Variants in GYS2 observed in about 807,000 individuals in gnomAD.
GYS2 encodes glycogen [starch] synthase, liver.
GYS2 carries 80 observed loss-of-function variants against 85.6 expected under a neutral mutation model. The ratio of observed to expected loss-of-function variants is 0.93; its 90% CI spans 0.78 to 1.13. The LOEUF is 1.13. GYS2 is among the 50% of genes most tolerant of loss of function. GYS2 has a pLI of 0.00. For synonymous variants in GYS2, 328 were observed against 300.7 expected (o/e 1.09, Z -0.94); for missense variants, 881 against 854.9 (o/e 1.03, Z -0.38).
chr12:21,566,679 C>T (rs575921676), intron 5 of GYS2, among the ~76,000 whole-genome samples: 10 of 152,166 alleles, frequency 6.6e-5, no homozygotes, highest in South Asian at 6.2e-4. Flanking sequence ...CATATGTTAA[C>T]GTTTGAATCA....
intron 7 of GYS2, among the ~76,000 whole-genome samples, chr12:21,562,353 T>C (rs914897868): frequency 1.3e-5 from 2 of 152,080 alleles, no homozygotes; most frequent in Non-Finnish European, 2.9e-5. Context: ...CTGTCGGGTT[T>C]GGCTGCCAGC....
intron 11 of GYS2, 39 bp from the exon 12 acceptor site, chr12:21,546,509 G>T (rs755010971): frequency 2.7e-6 from 4 of 1,454,882 alleles, no homozygotes; most frequent in Non-Finnish European, 3.8e-6. Flanking sequence ...AAAAGAAAAA[G>T]GAGCAAGTAA....
In GYS2 at chr12:21,568,699, C is replaced by T. The variant is rs2306179; in HGVS notation, c.823+166G>A. On this transcript the variant is annotated intron_variant, in intron 5 of 15. Coordinates refer to ENST00000261195, the MANE Select transcript of GYS2 (RefSeq NM_021957.4). Reference sequence around the variant, plus strand: ...TGTTCCAGATATAGCTTTGAGTTGGCTTCCCTGCAAACCTACTGAAATTGA... The same window carrying T: ...TGTTCCAGATATAGCTTTGAGTTGGTTTCCCTGCAAACCTACTGAAATTGA... 0.7 allele frequency among the ~76,000 whole-genome samples: 107,053 copies of T among 152,064 alleles called. 38,320 individuals carry two copies. The highest frequency in any genetic ancestry group is 0.79 in the South Asian group (3,805 of 4,810).
chr12:21,561,741 G>A (rs1304878041), intron 7 of GYS2, among the ~76,000 whole-genome samples: 1 of 152,170 alleles, frequency 6.6e-6, no homozygotes, highest in Non-Finnish European at 1.5e-5. Flanking sequence ...GAAATATTAA[G>A]TAAGGTTATT....
At chr12:21,541,460 A>G (rs1943975672) in intron 13 of GYS2, among the ~76,000 whole-genome samples, 1 of 151,954 alleles carries the variant, frequency 6.6e-6, no homozygotes, top group African/African-American at 2.4e-5. Flanking sequence ...AAATAATAAC[A>G]GTAATGATAA....
At chr12:21,583,408 G>C (rs922072260) in intron 1 of GYS2, among the ~76,000 whole-genome samples, 1 of 152,134 alleles carries the variant, frequency 6.6e-6, no homozygotes, top group South Asian at 2.1e-4. Context: ...CCTGATTTGG[G>C]TGTGTTACTC....
chr12:21,562,698 CAAAAAAAAAAAAAA>C lies in GYS2; in HGVS notation c.1062+206_1062+219del, dbSNP rs60049724. Among the ~76,000 whole-genome samples, 6 of 98,274 alleles carry C rather than the reference CAAAAAAAAAAAAAA, an allele frequency of 6.1e-5. No homozygotes were observed. In the East Asian group the frequency reaches 1.4e-3, roughly 23 times the overall value. The allele number at this position is 98,274 out of a possible 152,430, so 64.5% of individuals were successfully genotyped here. ...ATAATGGGATAAGCTTAAGATTCTCCAAAAAAAAAAAAAAAAAAAAAAAGATGACATTATAGACA... is the reference window on the plus strand; with the variant it reads ...ATAATGGGATAAGCTTAAGATTCTCCAAAAAAAAAGATGACATTATAGACA... On this transcript the variant is annotated intron_variant, in intron 7 of 15. Coordinates refer to ENST00000261195, the MANE Select transcript of GYS2 (RefSeq NM_021957.4).
At chr12:21,532,905 T>C (rs1228795405), downstream of GYS2, 2 of 152,216 alleles carry the variant, frequency 1.3e-5, no homozygotes, top group Non-Finnish European at 2.9e-5. Flanking sequence ...TGAATGTTCT[T>C]ATGTACAAAT....
chr12:21,604,802 T>C lies in GYS2; in HGVS notation c.-210A>G, dbSNP rs760646107. On this transcript the variant is annotated 5_prime_UTR_variant, in exon 1 of 16. Transcript: ENST00000261195. ...GGAATTCTTCCTCCTCTTTCTCGTC[T>C]TTCTGGGCAGGTATTGTGAGGACGG... is the stretch of plus-strand genomic sequence containing the variant. 5.0e-5 allele frequency: 67 copies of C among 1,343,932 alleles called. No homozygotes were observed. Among genetic ancestry groups the C allele is most frequent in the Non-Finnish European group, 6.2e-5 (64 of 1,039,538 alleles). The allele number at this position is 1,343,932 out of a possible 1,614,324, so 83.3% of individuals were successfully genotyped here. A position where few individuals can be genotyped will look rare whatever the true frequency, so the allele number is the denominator to read the frequency against.
chr12:21,578,313 G>A (rs543797319), intron 2 of GYS2, among the ~76,000 whole-genome samples: 1 of 151,874 alleles, frequency 6.6e-6, no homozygotes, highest in Non-Finnish European at 1.5e-5. Context: ...CCAATGCAAT[G>A]GCCCATGAAT....
intron 11 of GYS2, among the ~76,000 whole-genome samples, chr12:21,549,991 A>C (rs1221231370): frequency 2.6e-5 from 4 of 152,070 alleles, no homozygotes; most frequent in Non-Finnish European, 5.9e-5. Flanking sequence ...TATGTCATTC[A>C]ATGCATCCTA....
intron 7 of GYS2, among the ~76,000 whole-genome samples, chr12:21,561,984 C>G (rs1591791725): frequency 6.6e-6 from 1 of 152,022 alleles, no homozygotes; most frequent in South Asian, 2.1e-4. Flanking sequence ...CTACACTCTT[C>G]TCCTGTGAAT....
At chr12:21,546,279 A>G (rs1051550332) in intron 12 of GYS2, 65 bp downstream of exon 12, 2 of 1,092,908 alleles carry the variant, frequency 1.8e-6, no homozygotes, top group Non-Finnish European at 2.7e-6. Context: ...AATATTATAT[A>G]TATGCACATA....
intron 9 of GYS2, 79 bp downstream of exon 9, chr12:21,559,572 T>C: frequency 1.2e-6 from 1 of 820,666 alleles, no homozygotes; most frequent in Non-Finnish European, 2.1e-6. Flanking sequence ...ACAAAATTAA[T>C]AAGTTATGAT....
intron 11 of GYS2, among the ~76,000 whole-genome samples, chr12:21,547,910 A>G (rs1944060820): frequency 1.3e-5 from 2 of 152,180 alleles, no homozygotes; most frequent in Admixed American, 1.3e-4. Flanking sequence ...TGAACCTAAA[A>G]CTGTTCTAAA....
intron 11 of GYS2, among the ~76,000 whole-genome samples, chr12:21,547,000 T>A (rs1944049684): frequency 6.6e-6 from 1 of 152,128 alleles, no homozygotes; most frequent in Non-Finnish European, 1.5e-5. Context: ...CTCCCTCCTC[T>A]CTCAGCTAGA....
intron 1 of GYS2, among the ~76,000 whole-genome samples, chr12:21,584,748 A>T (rs189366805): frequency 1.3e-5 from 2 of 152,332 alleles, no homozygotes; most frequent in Admixed American, 1.3e-4. Flanking sequence ...TACTCTGGAT[A>T]TGGGTTTCCC....
At chr12:21,592,191 A>AAAGG (rs1423116616) in intron 1 of GYS2, among the ~76,000 whole-genome samples, 2 of 151,820 alleles carry the variant, frequency 1.3e-5, no homozygotes, top group South Asian at 4.2e-4. Flanking sequence ...GAAAGAAAGA[A>AAAGG]AAGGAAGGAA....
chr12:21,540,408 A>G lies in GYS2; in HGVS notation c.1809+2T>C. ...CTGCTGTGTTTATCTAAACTTGCTT[A>G]CTCTGCCTAAGTATCTCCAATCCAG... is the stretch of plus-strand genomic sequence containing the variant. On this transcript the variant is annotated splice_donor_variant, in intron 14 of 15. Transcript: ENST00000261195. LOFTEE classifies it high-confidence loss of function. The G allele has an allele frequency of 6.2e-7, 1 of 1,613,442 alleles. No homozygotes were observed. Among genetic ancestry groups the G allele is most frequent in the Non-Finnish European group, 8.5e-7 (1 of 1,179,410 alleles).
Sources: gnomAD v4.1 joint callset for allele counts (sites outside exome capture counted in the v4.1 genomes callset) on GRCh38, gnomAD v4.1.1 for gene constraint, MANE v1.5 for transcripts, NCBI Gene and HGNC (gene_info 2026-07-23, HGNC 2026-07-21) for gene names.